The following DAGLA variants were observed in gnomAD, a reference collection of about 807,000 sequenced individuals.
DAGLA encodes the protein diacylglycerol lipase alpha.
Under a neutral mutation model 102.6 loss-of-function variants are expected in DAGLA, and 22 were observed. The observed-to-expected ratio is 0.21, with a 90% CI of 0.15 to 0.31. The LOEUF (loss-of-function observed/expected upper bound fraction) is 0.31, where lower values mean the gene tolerates loss of function less well. DAGLA is among the 10% of genes least tolerant of loss of function. The probability of loss-of-function intolerance (pLI) is 1.00; values close to 1 mark genes in which losing one functional copy is unlikely to be tolerated. For missense variants in DAGLA, 927 were observed against 1,446.6 expected, an observed-to-expected ratio of 0.64 and a Z score of 5.83; for synonymous variants, 578 against 628.9, an observed-to-expected ratio of 0.92 and a Z score of 1.21.
intron 1 of DAGLA, among the ~76,000 whole-genome samples, chr11:61,710,141 G>A (rs748646514): frequency 2.0e-5 from 3 of 152,154 alleles, no homozygotes; most frequent in African/African-American, 7.2e-5. Flanking sequence ...TCACTGAGGC[G>A]TTGCCAGCAC....
intron 6 of DAGLA, 143 bp downstream of exon 6, chr11:61,726,225 C>A: frequency 1.3e-6 from 1 of 748,702 alleles, no homozygotes; most frequent in Non-Finnish European, 2.3e-6. Context: ...ATGGCCTGCT[C>A]ACACAGGGCC....
intron 8 of DAGLA, among the ~76,000 whole-genome samples, chr11:61,729,816 C>A (rs2065359562): frequency 6.6e-6 from 1 of 151,908 alleles, no homozygotes; most frequent in Admixed American, 6.6e-5. Flanking sequence ...CTTGTGCCTG[C>A]AATCCCAGCA....
chr11:61,738,486 C>T (rs1034556859), intron 16 of DAGLA, among the ~76,000 whole-genome samples: 1 of 152,144 alleles, frequency 6.6e-6, no homozygotes, highest in Non-Finnish European at 1.5e-5. Flanking sequence ...GGACAGGAAC[C>T]GAGAGGCTCC....
At chr11:61,681,582 C>CA (rs1246624315) in intron 1 of DAGLA, among the ~76,000 whole-genome samples, 1 of 152,098 alleles carries the variant, frequency 6.6e-6, no homozygotes, top group Admixed American at 6.5e-5. Context: ...GGGTTCACTC[C>CA]AGGGTATCTG....
chr11:61,712,884 T>C (rs768513964), intron 1 of DAGLA, among the ~76,000 whole-genome samples: 13 of 152,192 alleles, frequency 8.5e-5, no homozygotes, highest in Non-Finnish European at 1.9e-4. Flanking sequence ...ATTTTTTTCT[T>C]GCAAGTAGTT....
rs771890239 is a variant in DAGLA at position 61,734,897 on chromosome 11, C to T, written c.1023C>T (p.Ile341=). The T allele has an allele frequency of 6.2e-6, 10 of 1,614,082 alleles. No homozygotes were observed. Among genetic ancestry groups the T allele is most frequent in the South Asian group, 5.5e-5 (5 of 91,090 alleles). ...ARPRFAPGVT[I]EEDNCCGCNA... ...CGCGGTTCGCCCCTGGAGTCACCAT[C>T]GAGGAAGACAACTGCTGTGGCTGTA... Residue 341 remains isoleucine (I), a synonymous_variant, in exon 10 of 20, where the codon ATC becomes ATT. Coordinates refer to ENST00000257215, the MANE Select transcript of DAGLA (RefSeq NM_006133.3). This position sits in a 1 kb window ranked among gnomAD's most constrained non-coding sequence, Gnocchi z 4.2.
chr11:61,720,577 C>T, intron 2 of DAGLA, 102 bp from the exon 3 acceptor site: 2 of 1,098,814 alleles, frequency 1.8e-6, no homozygotes, highest in Admixed American at 1.9e-5. Context: ...TGCTGCCAGC[C>T]CTCCTTCCAC....
Position 61,734,973 on chromosome 11 carries a change from G to C in DAGLA, c.1099G>C (p.Asp367His). ...HFLDENMTAV[D>H]IVYTSCHDAV... ...CCTGGACGAGAACATGACTGCGGTG[G>C]ACATCGTCTATACCTCCTGCCATGA... The change falls in exon 10 of 20, where the codon GAC becomes CAC. Residue 367 changes from aspartate (D) to histidine (H), a missense_variant. Around this residue, in one of 4 missense-constraint regions of DAGLA, gnomAD observed 218 missense variants for 459.6 expected, o/e 0.47. Coordinates refer to ENST00000257215, the MANE Select transcript of DAGLA (RefSeq NM_006133.3). The surrounding 1 kb of genome is among the most constrained non-coding windows in gnomAD (Gnocchi z 4.2). 6.2e-7 allele frequency: 1 copy of C among 1,614,006 alleles called. No individual in the cohort carries two copies. Among genetic ancestry groups the C allele is most frequent in the Non-Finnish European group, 8.5e-7 (1 of 1,179,958 alleles).
chr11:61,705,276 ATTTTGTCTGCTGAATTTCCAT>A (rs2065140164), intron 1 of DAGLA, among the ~76,000 whole-genome samples: 1 of 152,116 alleles, frequency 6.6e-6, no homozygotes, highest in East Asian at 1.9e-4. Context: ...GTCTGTCCCC[ATTTTGTCTGCTGAATTTCCAT>A]CTGGGCCACC....
intron 1 of DAGLA, among the ~76,000 whole-genome samples, chr11:61,702,025 G>A (rs1231909029): frequency 2.0e-5 from 3 of 151,580 alleles, no homozygotes; most frequent in East Asian, 1.9e-4. Context: ...ATTCTCCTGC[G>A]TCAGCTGCCT....
At position 61,686,220 on chromosome 11, in the gene DAGLA, A is replaced by AG. The variant is rs535118333; in HGVS notation, c.-45+5720dup. Among the ~76,000 whole-genome samples the AG allele has an allele frequency of 3.6e-4, 54 of 151,878 alleles. No homozygotes were observed. Among genetic ancestry groups the AG allele is most frequent in the African/African-American group, 8.0e-4 (33 of 41,484 alleles). On this transcript the variant is annotated intron_variant, in intron 1 of 19. Transcript: ENST00000257215. This position sits in a 1 kb window ranked among gnomAD's most constrained non-coding sequence, Gnocchi z 5.2. ...GGTCAGTGTGGTCACTAGGAGGGGA[A>AG]GGGGTGGGAAGTGGGGCCAGGAAGC...
rs1361333281 is a variant in DAGLA at position 61,739,560 on chromosome 11, C to A, written c.1752C>A (p.Thr584=). 6.2e-7 allele frequency: 1 copy of A among 1,613,746 alleles called. No homozygotes were observed. The highest frequency in any genetic ancestry group is 1.1e-5 in the South Asian group (1 of 91,078). The change falls in exon 17 of 20, where the codon ACC becomes ACA. Residue 584 remains threonine (T), a synonymous_variant. Coordinates refer to ENST00000257215, the MANE Select transcript of DAGLA (RefSeq NM_006133.3). ...VTTLASTRLW[T]HPSDLTIALS... ...CCCTGGCCAGCACGCGGCTCTGGAC[C>A]CACCCCAGCGACCTAACTATAGCCC...
chr11:61,682,857 G>T (rs1177173041), intron 1 of DAGLA, among the ~76,000 whole-genome samples: 1 of 151,910 alleles, frequency 6.6e-6, no homozygotes, highest in African/African-American at 2.4e-5. Flanking sequence ...GGGACGGGGG[G>T]GGGAGGTGTG....
intron 8 of DAGLA, among the ~76,000 whole-genome samples, chr11:61,729,340 G>A (rs193024327): frequency 1.6e-4 from 25 of 152,360 alleles, no homozygotes; most frequent in African/African-American, 5.5e-4. Context: ...CGCAATGGGC[G>A]TAGTACTTGG....
chr11:61,723,266 G>T (rs1193576868), intron 4 of DAGLA, among the ~76,000 whole-genome samples, 168 bp from the exon 5 acceptor site: 2 of 152,194 alleles, frequency 1.3e-5, no homozygotes, highest in African/African-American at 4.8e-5. Flanking sequence ...TGGGCAATAG[G>T]GTGGCCACGT....
chr11:61,735,981 C>G (rs1025283202), intron 12 of DAGLA, among the ~76,000 whole-genome samples, 165 bp downstream of exon 12: 2 of 152,134 alleles, frequency 1.3e-5, no homozygotes, highest in African/African-American at 4.8e-5. Flanking sequence ...CCCACTGCTG[C>G]GACCCCACTG....
In DAGLA at chr11:61,739,458, C is replaced by T. The variant is rs371905647; in HGVS notation, c.1657-7C>T. On this transcript the variant is annotated splice_polypyrimidine_tract_variant and splice_region_variant and intron_variant, in intron 16 of 19. Transcript: ENST00000257215. The stretch of plus-strand genomic sequence containing the variant: ...TGTCCCCATCTCTCCCACTCCACCC[C>T]GCGCAGTGGCGGATCATCGTGGGGG... 6.8e-6 allele frequency: 11 copies of T among 1,612,626 alleles called. No homozygotes were observed. The highest frequency in any genetic ancestry group is 3.3e-5 in the Admixed American group (2 of 59,992).
At position 61,681,991 on chromosome 11, in the gene DAGLA, G is replaced by A. The variant is rs1317607740; in HGVS notation, c.-45+1487G>A. 2.0e-5 allele frequency among the ~76,000 whole-genome samples: 3 copies of A among 152,114 alleles called. No individual in the cohort carries two copies. In the East Asian group the frequency reaches 5.8e-4, roughly 29 times the overall value. On this transcript the variant is annotated intron_variant, in intron 1 of 19. Transcript: ENST00000257215. ...AGTGGTAGAAGAATCACAGGGTTGA[G>A]CTTGTGCTGGGGAAGGCACTTATGA...
Position 61,720,872 on chromosome 11 carries a change from G to C in DAGLA, c.289G>C (p.Val97Leu), listed in dbSNP as rs999757225. 1 of 1,612,588 alleles carries C rather than the reference G, an allele frequency of 6.2e-7. No individual in the cohort carries two copies. Among genetic ancestry groups the C allele is most frequent in the Non-Finnish European group, 8.5e-7 (1 of 1,179,588 alleles). ...GGAGCCCCGTGACTCCATGCAGTAC[G>C]TGCTCTACGTGCGCCTGGGTAAGGG... is the stretch of plus-strand genomic sequence containing the variant. ...YTEPRDSMQY[V>L]LYVRLAILVI... Residue 97 changes from valine to leucine, a missense_variant, in exon 3 of 20, where the codon GTG (valine) becomes CTG (leucine). By Grantham distance (32) the Val-to-Leu change is conservative. Around this residue, in one of 4 missense-constraint regions of DAGLA, gnomAD observed 231 missense variants for 439.8 expected, o/e 0.53. Transcript: ENST00000257215.
Sources: allele counts gnomAD v4.1 joint callset (sites outside exome capture counted in the v4.1 genomes callset), GRCh38; gene constraint gnomAD v4.1.1; regional missense constraint gnomAD v4.1.1; non-coding constraint Gnocchi (gnomAD v3.1); transcripts MANE v1.5; gene names NCBI Gene and HGNC (gene_info 2026-07-23, HGNC 2026-07-21).